CUX2: variants seen among roughly 807,000 people sequenced by gnomAD.
CUX2 encodes cut like homeobox 2.
A neutral mutation model predicts 144.8 loss-of-function variants in CUX2; 40 were observed. The observed-to-expected ratio is 0.28, with a 90% confidence interval of 0.21 to 0.36. The LOEUF (loss-of-function observed/expected upper bound fraction) is 0.36. CUX2 is among the 10% of genes least tolerant of loss of function. The probability of loss-of-function intolerance (pLI) is 1.00; values close to 1 mark genes in which losing one functional copy is unlikely to be tolerated. For synonymous variants in CUX2, 827 were observed against 875.6 expected (o/e 0.94, Z 0.98); for missense variants, 1,615 against 1,994.0 (o/e 0.81, Z 3.62).
chr12:111,272,352 T>G (rs1884677710), intron 4 of CUX2, among the ~76,000 whole-genome samples: 1 of 152,090 alleles, frequency 6.6e-6, no homozygotes, highest in Admixed American at 6.5e-5. Flanking sequence ...GCTCAGTTAG[T>G]CCCATAATGG....
At chr12:111,264,306 C>T (rs898124331) in intron 4 of CUX2, among the ~76,000 whole-genome samples, 1 of 152,132 alleles carries the variant, frequency 6.6e-6, no homozygotes, top group Non-Finnish European at 1.5e-5. Flanking sequence ...ATTCCACCTA[C>T]AGAAAATCTA....
chr12:111,041,846 G>A (rs891558389), intron 1 of CUX2, among the ~76,000 whole-genome samples: 1 of 152,208 alleles, frequency 6.6e-6, no homozygotes, highest in Non-Finnish European at 1.5e-5. Flanking sequence ...AGTTCCAGAA[G>A]AGGCTGCATT....
chr12:111,046,231 G>A (rs1869988904), intron 1 of CUX2, among the ~76,000 whole-genome samples: 2 of 152,242 alleles, frequency 1.3e-5, no homozygotes, highest in Admixed American at 1.3e-4. Flanking sequence ...CGCTTGGCAG[G>A]GCTTAGCAAG....
At chr12:111,345,128 T>A (rs939011637) in intron 21 of CUX2, among the ~76,000 whole-genome samples, 2 of 151,638 alleles carry the variant, frequency 1.3e-5, no homozygotes, top group Admixed American at 6.6e-5. Flanking sequence ...TGCCATTTTT[T>A]AAAAAAATGG....
chr12:111,102,298 C>G (rs1426286621), intron 1 of CUX2, among the ~76,000 whole-genome samples: 1 of 152,234 alleles, frequency 6.6e-6, no homozygotes, highest in Non-Finnish European at 1.5e-5. Context: ...GTGTGGGAGC[C>G]AGCCGACAAG....
chr12:111,164,575 C>CA (rs1379437034), intron 1 of CUX2, among the ~76,000 whole-genome samples: 1 of 149,080 alleles, frequency 6.7e-6, no homozygotes, highest in Admixed American at 6.7e-5. Flanking sequence ...GACTCCATCT[C>CA]AAAAAAATAA....
chr12:111,239,874 C>T (rs1471158231), intron 3 of CUX2, among the ~76,000 whole-genome samples: 1 of 152,094 alleles, frequency 6.6e-6, no homozygotes, highest in Non-Finnish European at 1.5e-5. Context: ...AAGGAGACCC[C>T]CCTGCACCTG....
intron 1 of CUX2, among the ~76,000 whole-genome samples, chr12:111,159,147 T>C (rs1384075749): frequency 1.3e-5 from 2 of 152,124 alleles, no homozygotes; most frequent in African/African-American, 4.8e-5. Context: ...GATTTTGTTG[T>C]TGTTGTTGTT....
chr12:111,107,946 A>C (rs1405453962), intron 1 of CUX2, among the ~76,000 whole-genome samples: 1 of 152,240 alleles, frequency 6.6e-6, no homozygotes, highest in Admixed American at 6.5e-5. Context: ...TACATAATGG[A>C]CTGACCTGAC....
chr12:111,293,484 A>AC lies in CUX2; in HGVS notation c.477dup (p.Glu160ArgfsTer23). The AC allele has an allele frequency of 6.2e-7, 1 of 1,608,920 alleles. No homozygotes were observed. ...GACGTCGCCTGCCGGGCCCACGCTG[A>AC]CCGAGGGAAGCCGCCTCCCAGGCAT... On this transcript the variant is annotated frameshift_variant, in exon 6 of 22. Transcript: ENST00000261726. LOFTEE classifies it high-confidence loss of function. The surrounding 1 kb of genome is among the most constrained non-coding windows in gnomAD (Gnocchi z 4.5).
chr12:111,261,369 G>T (rs1884117028), intron 3 of CUX2, among the ~76,000 whole-genome samples: 1 of 152,086 alleles, frequency 6.6e-6, no homozygotes, highest in South Asian at 2.1e-4. Flanking sequence ...TAGCCCATCA[G>T]GGATGCCCCC....
chr12:111,104,108 C>T (rs920279221), intron 1 of CUX2, among the ~76,000 whole-genome samples: 2 of 152,238 alleles, frequency 1.3e-5, no homozygotes, highest in Non-Finnish European at 2.9e-5. Flanking sequence ...AGCCTCCTCT[C>T]TTTCTGTCTT....
intron 3 of CUX2, among the ~76,000 whole-genome samples, chr12:111,260,267 A>T (rs1020885245): frequency 4.6e-5 from 7 of 151,626 alleles, no homozygotes; most frequent in Admixed American, 4.6e-4. Context: ...GCTCGAGACC[A>T]TCCTGGCTAA....
intron 1 of CUX2, among the ~76,000 whole-genome samples, chr12:111,132,424 G>A (rs1341174737): frequency 3.3e-5 from 5 of 152,102 alleles, no homozygotes; most frequent in Non-Finnish European, 7.4e-5. Flanking sequence ...CCATGGGCTT[G>A]GGGATTAACA....
chr12:111,081,973 G>A (rs1051196069), intron 1 of CUX2, among the ~76,000 whole-genome samples: 1 of 152,152 alleles, frequency 6.6e-6, no homozygotes, highest in African/African-American at 2.4e-5. Flanking sequence ...TAAATGCCCC[G>A]GCTCCCTCAC....
At chr12:111,140,730 G>T (rs78860915) in intron 1 of CUX2, among the ~76,000 whole-genome samples, 1 of 152,228 alleles carries the variant, frequency 6.6e-6, no homozygotes, top group Non-Finnish European at 1.5e-5. Context: ...CTCCAGTTGT[G>T]ACTCCAGGGT....
chr12:111,127,489 T>C (rs1404467394), intron 1 of CUX2, among the ~76,000 whole-genome samples: 1 of 152,216 alleles, frequency 6.6e-6, no homozygotes, highest in African/African-American at 2.4e-5. Flanking sequence ...GCCAGCACAG[T>C]AACTCCCTTC....
In CUX2 at chr12:111,238,876, C is replaced by T. The variant is rs190851241; in HGVS notation, c.222+20939C>T. ...CCTGGCCAATATGGCAAAACTCTGT[C>T]TCTACTAAAAATACAAAAATGAGTT... On this transcript the variant is annotated intron_variant, in intron 3 of 21. Coordinates refer to ENST00000261726, the MANE Select transcript of CUX2 (RefSeq NM_015267.4). Among the ~76,000 whole-genome samples, 7 of 152,206 alleles carry T rather than the reference C, an allele frequency of 4.6e-5. No individual in the cohort carries two copies. In the East Asian group the frequency reaches 1.4e-3, roughly 29 times the overall value.
rs1883185805 is a variant in CUX2, at chr12:111,244,562, C to T, written c.223-19199C>T. 2.6e-5 allele frequency among the ~76,000 whole-genome samples: 4 copies of T among 152,248 alleles called. No individual in the cohort carries two copies. The South Asian group carries it at 8.3e-4, about 32-fold the overall frequency. On this transcript the variant is annotated intron_variant, in intron 3 of 21. Coordinates refer to ENST00000261726, the MANE Select transcript of CUX2 (RefSeq NM_015267.4). Reference sequence around the variant, plus strand: ...CCGTGGTGTCATTTAACTTGTTCTTCCATCCTTGTATTTGCTATGTATGAG... The same window carrying T: ...CCGTGGTGTCATTTAACTTGTTCTTTCATCCTTGTATTTGCTATGTATGAG...
Sources: allele counts gnomAD v4.1 joint callset (sites outside exome capture counted in the v4.1 genomes callset), GRCh38; gene constraint gnomAD v4.1.1; non-coding constraint Gnocchi (gnomAD v3.1); transcripts MANE v1.5; gene names NCBI Gene and HGNC (gene_info 2026-07-23, HGNC 2026-07-21).